FAT3: variants seen among roughly 807,000 people sequenced by gnomAD.
The protein encoded by FAT3 is FAT atypical cadherin 3.
In FAT3, 95 loss-of-function variants were observed where a neutral mutation model predicts 310.2. The observed-to-expected ratio is 0.31, with a 90% CI of 0.26 to 0.36. The LOEUF is 0.36. Among genes scored for constraint, FAT3 ranks in the 10% least tolerant of loss-of-function variants. The pLI, the probability that FAT3 is intolerant of heterozygous loss-of-function variation, is 1.00. For missense variants in FAT3, 5,408 were observed against 5,715.6 expected (o/e 0.95, Z 1.74); for synonymous variants, 2,314 against 2,192.9 (o/e 1.06, Z -1.54).
intron 7 of FAT3, among the ~76,000 whole-genome samples, chr11:92,783,578 G>A (rs1302442704): frequency 6.6e-6 from 1 of 151,412 alleles, no homozygotes; most frequent in African/African-American, 2.4e-5. Context: ...AGGCCAAGGT[G>A]GAAGGATCAC....
intron 1 of FAT3, among the ~76,000 whole-genome samples, chr11:92,239,232 C>T (rs544258352): frequency 6.6e-6 from 1 of 152,158 alleles, no homozygotes; most frequent in African/African-American, 2.4e-5. Context: ...GGGCCAACTG[C>T]TATTTATTTT....
intron 1 of FAT3, among the ~76,000 whole-genome samples, chr11:92,288,435 G>A (rs1946611557): frequency 6.6e-6 from 1 of 152,072 alleles, no homozygotes; most frequent in African/African-American, 2.4e-5. Context: ...TTAGAGATGA[G>A]GAAACTGGCT....
At chr11:92,836,781 G>T in intron 16 of FAT3, 78 bp downstream of exon 16, 1 of 1,514,528 alleles carries the variant, frequency 6.6e-7, no homozygotes, top group Non-Finnish European at 8.9e-7. Flanking sequence ...CTCCACGGGT[G>T]TAAATAGGAA....
intron 3 of FAT3, among the ~76,000 whole-genome samples, chr11:92,630,958 T>C (rs1308648917): frequency 6.6e-6 from 1 of 152,210 alleles, no homozygotes; most frequent in African/African-American, 2.4e-5. Flanking sequence ...GAAATTATTA[T>C]TTACAAATAC....
intron 12 of FAT3, among the ~76,000 whole-genome samples, chr11:92,808,795 G>A (rs527679391): frequency 3.9e-5 from 6 of 152,020 alleles, no homozygotes; most frequent in African/African-American, 1.2e-4. Flanking sequence ...GCATGGTGGC[G>A]GGCACCTGTA....
intron 1 of FAT3, among the ~76,000 whole-genome samples, chr11:92,265,783 T>C (rs1364630867): frequency 1.3e-5 from 2 of 152,040 alleles, no homozygotes; most frequent in Non-Finnish European, 2.9e-5. Flanking sequence ...CTGGTGCCTC[T>C]TTTGTAAGGC....
Position 92,859,288 on chromosome 11 carries a change from T to C in FAT3, c.11624T>C (p.Met3875Thr). The change falls in exon 21 of 28, where the codon ATG (methionine) becomes ACG (threonine). Residue 3875 changes from methionine (M) to threonine (T), a missense_variant. Physicochemically the swap from Met to Thr is moderately conservative, Grantham distance 81 (BLOSUM62 -1). Coordinates refer to ENST00000525166, the MANE Select transcript of FAT3 (RefSeq NM_001367949.2). ...LRTLQSNGII[M>T]YTRANPCIIL... ...ACACTGCAAAGCAATGGGATTATAA[T>C]GTACACCAGAGCAAATCCCTGCATA... 4.3e-6 allele frequency: 7 copies of C among 1,611,956 alleles called. No individual in the cohort carries two copies. Among genetic ancestry groups the C allele is most frequent in the Non-Finnish European group, 5.9e-6 (7 of 1,178,726 alleles).
intron 4 of FAT3, among the ~76,000 whole-genome samples, chr11:92,717,564 A>G (rs1944727324): frequency 6.6e-6 from 1 of 152,228 alleles, no homozygotes. Context: ...ACTGTGTTCA[A>G]ATGGCTGAAA....
chr11:92,380,462 G>A (rs1004715928), intron 2 of FAT3, among the ~76,000 whole-genome samples: 2 of 152,052 alleles, frequency 1.3e-5, no homozygotes, highest in Admixed American at 6.6e-5. Context: ...TTGTTTGAAC[G>A]CCCTCAAAGA....
chr11:92,733,845 A>C (rs1792375), intron 4 of FAT3, among the ~76,000 whole-genome samples: 47,265 of 152,088 alleles, frequency 0.31, 7,609 homozygotes, highest in Non-Finnish European at 0.33. Flanking sequence ...ATGATTGTTT[A>C]GGGGTATATA....
At chr11:92,845,121 G>T (rs1050317640) in intron 19 of FAT3, among the ~76,000 whole-genome samples, 2 of 152,204 alleles carry the variant, frequency 1.3e-5, no homozygotes, top group African/African-American at 4.8e-5. Flanking sequence ...AGGCTTAGGG[G>T]CATAAGAGGA....
chr11:92,513,401 T>C (rs980975971), intron 2 of FAT3, among the ~76,000 whole-genome samples: 4 of 152,108 alleles, frequency 2.6e-5, no homozygotes, highest in African/African-American at 7.2e-5. Context: ...AAAAATAGTA[T>C]CTGTATGATC....
chr11:92,667,287 T>G (rs1479005762), intron 3 of FAT3, among the ~76,000 whole-genome samples: 1 of 152,152 alleles, frequency 6.6e-6, no homozygotes, highest in African/African-American at 2.4e-5. Context: ...GTTCAAAAGA[T>G]GTGTCGTGTG....
At chr11:92,375,592 A>G (rs1949319962) in intron 2 of FAT3, among the ~76,000 whole-genome samples, 1 of 152,174 alleles carries the variant, frequency 6.6e-6, no homozygotes, top group Non-Finnish European at 1.5e-5. Context: ...ACTTGTAAAC[A>G]TGGGTACTAT....
intron 1 of FAT3, among the ~76,000 whole-genome samples, chr11:92,325,957 T>C (rs1947752579): frequency 6.6e-6 from 1 of 152,176 alleles, no homozygotes; most frequent in Non-Finnish European, 1.5e-5. Context: ...TGGGGATGTG[T>C]ATATTTCTTT....
intron 4 of FAT3, among the ~76,000 whole-genome samples, chr11:92,731,960 GT>G (rs1388687754): frequency 6.6e-6 from 1 of 152,138 alleles, no homozygotes; most frequent in African/African-American, 2.4e-5. Flanking sequence ...ATTGTTCAGA[GT>G]TTCATGTTCA....
intron 3 of FAT3, among the ~76,000 whole-genome samples, chr11:92,605,389 A>G (rs1207227083): frequency 6.6e-6 from 1 of 152,210 alleles, no homozygotes; most frequent in Non-Finnish European, 1.5e-5. Context: ...ATGGGCATTT[A>G]TCCCACAGGC....
chr11:92,357,167 A>C (rs1298960588), intron 2 of FAT3, among the ~76,000 whole-genome samples: 1 of 152,204 alleles, frequency 6.6e-6, no homozygotes. Context: ...ACTACTAATA[A>C]CAATGAGTTC....
chr11:92,705,268 C>G (rs1456725129), intron 4 of FAT3, among the ~76,000 whole-genome samples: 1 of 151,388 alleles, frequency 6.6e-6, no homozygotes, highest in Non-Finnish European at 1.5e-5. Context: ...CATTGACATT[C>G]CAAGTCTAGC....
Sources: gnomAD v4.1 joint callset for allele counts (sites outside exome capture counted in the v4.1 genomes callset) on GRCh38, gnomAD v4.1.1 for gene constraint, MANE v1.5 for transcripts, NCBI Gene and HGNC (gene_info 2026-07-23, HGNC 2026-07-21) for gene names.